Variants in ZNF487 observed in about 807,000 individuals in gnomAD.
The protein encoded by ZNF487 is KRAB domain only 1.
ZNF487 carries 4 observed loss-of-function variants against 3.0 expected under a neutral mutation model. The ratio of observed to expected loss-of-function variants is 1.35; its 90% CI spans 0.66 to 3.08. ZNF487 has a LOEUF of 3.08. ZNF487 is among the 30% of genes most tolerant of loss of function. ZNF487 has a pLI of 0.01. For synonymous variants in ZNF487, 55 were observed against 34.6 expected (o/e 1.59, Z -2.06); for missense variants, 146 against 98.7 (o/e 1.48, Z -2.03).
chr10:43,472,210 A>T (rs928252837), intron 1 of ZNF487, among the ~76,000 whole-genome samples: 1 of 152,016 alleles, frequency 6.6e-6, no homozygotes, highest in East Asian at 1.9e-4. Flanking sequence ...TTGGATGCAT[A>T]TGTTAACTGT....
intron 3 of ZNF487, 73 bp from the exon 4 acceptor site, chr10:43,481,356 A>G (rs1429783697): frequency 6.3e-6 from 4 of 639,418 alleles, no homozygotes; most frequent in East Asian, 2.8e-5. Flanking sequence ...AAAAAAAAGC[A>G]TGTGAATATG....
chr10:43,470,664 C>T (rs749608803), intron 1 of ZNF487, among the ~76,000 whole-genome samples: 3 of 151,572 alleles, frequency 2.0e-5, no homozygotes, highest in Admixed American at 6.6e-5. Flanking sequence ...GGATTACAGG[C>T]GTGAGCCAGC....
the ZNF487 span, among the ~76,000 whole-genome samples, chr10:43,498,605 G>A: frequency 6.6e-6 from 1 of 151,200 alleles, no homozygotes; most frequent in Non-Finnish European, 1.5e-5. Flanking sequence ...TTGAGTTGGC[G>A]AAAAATGGGA....
At chr10:43,474,531 T>A (rs906056618) in intron 1 of ZNF487, among the ~76,000 whole-genome samples, 3 of 152,108 alleles carry the variant, frequency 2.0e-5, no homozygotes, top group Non-Finnish European at 4.4e-5. Flanking sequence ...TGCCTGTGAA[T>A]GTACTCCAGC....
At chr10:43,469,224 T>G (rs1354645226) in intron 1 of ZNF487, among the ~76,000 whole-genome samples, 1 of 152,018 alleles carries the variant, frequency 6.6e-6, no homozygotes, top group African/African-American at 2.4e-5. Flanking sequence ...TGAGACATAG[T>G]CTGGCTCTTT....
intron 1 of ZNF487, among the ~76,000 whole-genome samples, chr10:43,468,869 G>A (rs1230388467): frequency 1.8e-4 from 27 of 149,452 alleles, no homozygotes; most frequent in Non-Finnish European, 3.7e-4. Flanking sequence ...GGCGCCTGTA[G>A]TCCCAGCTAC....
At chr10:43,513,743 C>G in the ZNF487 span, among the ~76,000 whole-genome samples, 1 of 152,124 alleles carries the variant, frequency 6.6e-6, no homozygotes, top group Non-Finnish European at 1.5e-5. Context: ...TCAGGAATGA[C>G]CACAGGGTAA....
Position 43,482,218 on chromosome 10 carries a change from A to G in ZNF487, c.*296A>G, listed in dbSNP as rs1478751655. ...AGAAGCCAAATTTCACTCAACATCAAGAAACACATATAGGAAAGAATGCCT... is the reference window on the plus strand; with the variant it reads ...AGAAGCCAAATTTCACTCAACATCAGGAAACACATATAGGAAAGAATGCCT... On this transcript the variant is annotated 3_prime_UTR_variant, in exon 4 of 4. Transcript: ENST00000437590. 1 of 463,678 alleles carries G rather than the reference A, an allele frequency of 2.2e-6. No individual in the cohort carries two copies. Among genetic ancestry groups the G allele is most frequent in the Non-Finnish European group, 3.9e-6 (1 of 253,810 alleles). The allele number at this position is 463,678 out of a possible 1,614,324, so 28.7% of individuals were successfully genotyped here. A position where few individuals can be genotyped will look rare whatever the true frequency, so the allele number is the denominator to read the frequency against.
the ZNF487 span, among the ~76,000 whole-genome samples, chr10:43,512,762 C>T: frequency 1.3e-5 from 2 of 152,176 alleles, no homozygotes; most frequent in Non-Finnish European, 2.9e-5. Flanking sequence ...CTGGACCCCA[C>T]TCAAAACTGA....
At chr10:43,494,649 A>C in the ZNF487 span, among the ~76,000 whole-genome samples, 1 of 151,770 alleles carries the variant, frequency 6.6e-6, no homozygotes, top group Non-Finnish European at 1.5e-5. Context: ...AGTGCTTAAG[A>C]AAATCAGTAC....
At chr10:43,468,957 C>T (rs1290909611) in intron 1 of ZNF487, among the ~76,000 whole-genome samples, 1 of 121,176 alleles carries the variant, frequency 8.3e-6, no homozygotes, top group Admixed American at 1.1e-4. Flanking sequence ...CCACTGCATT[C>T]CAGCCTGGGC....
At chr10:43,496,781 C>T in the ZNF487 span, among the ~76,000 whole-genome samples, 8 of 152,174 alleles carry the variant, frequency 5.3e-5, no homozygotes, top group South Asian at 2.1e-4. Flanking sequence ...GCCAATGTCA[C>T]GTTACATCCT....
At chr10:43,451,928 A>G (rs1840024972) in intron 1 of ZNF487, 1 of 152,304 alleles carries the variant, frequency 6.6e-6, no homozygotes, top group Non-Finnish European at 1.5e-5. Context: ...GTGGAAAAGA[A>G]GAGGACAACT....
the ZNF487 span, among the ~76,000 whole-genome samples, chr10:43,516,731 G>T: frequency 6.6e-6 from 1 of 152,132 alleles, no homozygotes; most frequent in Non-Finnish European, 1.5e-5. Flanking sequence ...TGATTAGATT[G>T]TGCCCCACCC....
the ZNF487 span, among the ~76,000 whole-genome samples, chr10:43,493,709 A>AAAAAAAAATATATATATAT: frequency 2.3e-5 from 1 of 43,704 alleles, no homozygotes; most frequent in African/African-American, 8.7e-5. Context: ...AAAAAAAAAA[A>AAAAAAAAATATATATATAT]ATATATATAT....
the ZNF487 span, among the ~76,000 whole-genome samples, chr10:43,500,550 G>A: frequency 2.0e-5 from 3 of 152,060 alleles, no homozygotes; most frequent in African/African-American, 7.2e-5. Context: ...CACCGAGGCT[G>A]GAGTGCAGTG....
At chr10:43,503,982 C>A in the ZNF487 span, among the ~76,000 whole-genome samples, 1 of 152,202 alleles carries the variant, frequency 6.6e-6, no homozygotes, top group Admixed American at 6.6e-5. Flanking sequence ...CATTGTGTTA[C>A]ACTTGCCTAC....
rs993875004 is a variant in ZNF487, at chr10:43,437,152, G to T, written c.-204G>T. The stretch of plus-strand genomic sequence containing the variant: ...GTTTCCATGGTGAGATGGTCAACAA[G>T]CCTGTAAGTTCCTCAGCTACGACTA... On this transcript the variant is annotated 5_prime_UTR_variant, in exon 1 of 4. Coordinates refer to ENST00000437590, the MANE Select transcript of ZNF487 (RefSeq NM_001355444.3). The T allele has an allele frequency of 2.1e-5, 6 of 283,974 alleles. No individual in the cohort carries two copies. Among genetic ancestry groups the T allele is most frequent in the Admixed American group, 1.1e-4 (2 of 17,838 alleles). The allele number at this position is 283,974 out of a possible 1,614,324, so 17.6% of individuals were successfully genotyped here. A position where few individuals can be genotyped will look rare whatever the true frequency, so the allele number is the denominator to read the frequency against.
chr10:43,464,182 C>CTT (rs113898079), intron 1 of ZNF487, among the ~76,000 whole-genome samples: 5 of 140,050 alleles, frequency 3.6e-5, no homozygotes, highest in African/African-American at 7.8e-5. Context: ...CTTTTTTTTT[C>CTT]TTTTTTTTTT....
Sources: allele counts gnomAD v4.1 joint callset (sites outside exome capture counted in the v4.1 genomes callset), GRCh38; gene constraint gnomAD v4.1.1; transcripts MANE v1.5; gene names NCBI Gene and HGNC (gene_info 2026-07-23, HGNC 2026-07-21).